The following ADGRV1 variants were observed in gnomAD, a reference collection of about 807,000 sequenced individuals.
ADGRV1 encodes the protein G-protein coupled receptor 98.
In ADGRV1, 359 loss-of-function variants were observed where a neutral mutation model predicts 596.2. The ratio of observed to expected loss-of-function variants is 0.60; its 90% CI spans 0.55 to 0.66. ADGRV1 has a LOEUF of 0.66. Among genes scored for constraint, ADGRV1 ranks in the 30% least tolerant of loss-of-function variants. The probability of loss-of-function intolerance (pLI) is 0.00; values close to 1 mark genes in which losing one functional copy is unlikely to be tolerated. For synonymous variants in ADGRV1, 2,681 were observed against 2,679.2 expected (o/e 1.00, Z -0.02); for missense variants, 7,274 against 7,575.6 (o/e 0.96, Z 1.48).
At chr5:90,903,617 T>G (rs1404040630) in intron 83 of ADGRV1, among the ~76,000 whole-genome samples, 2 of 151,884 alleles carry the variant, frequency 1.3e-5, no homozygotes, top group Non-Finnish European at 2.9e-5. Context: ...CTTTTAAAAT[T>G]TTTTTTATTT....
At chr5:90,837,377 C>CTT (rs71622477) in intron 77 of ADGRV1, among the ~76,000 whole-genome samples, 13 of 135,708 alleles carry the variant, frequency 9.6e-5, no homozygotes, top group East Asian at 2.1e-4. Context: ...TTTTTTTTTT[C>CTT]TTTTTTTTTT....
Position 91,028,771 on chromosome 5 carries a change from T to G in ADGRV1, c.18152+43249T>G, listed in dbSNP as rs927240537. ...TTTTTTTTTTAGGAGTCTTGCTTTG[T>G]TCTGTCGCCAAGGCTGGAGTGCAGT... is the stretch of plus-strand genomic sequence containing the variant. On this transcript the variant is annotated intron_variant, in intron 85 of 89. Transcript: ENST00000405460. Among the ~76,000 whole-genome samples the G allele has an allele frequency of 8.0e-5, 12 of 149,504 alleles. 1 individual carries two copies. The highest frequency in any genetic ancestry group is 4.3e-4 in the South Asian group (2 of 4,624).
intron 3 of ADGRV1, among the ~76,000 whole-genome samples, chr5:90,618,321 C>G (rs895347547): frequency 6.6e-6 from 1 of 152,078 alleles, no homozygotes; most frequent in African/African-American, 2.4e-5. Flanking sequence ...AAAAAGCGGG[C>G]ATGGAAGTGG....
In ADGRV1 at chr5:90,982,097, A is replaced by T. The variant is rs544338152; in HGVS notation, c.17974-3247A>T. ...AGCAAGACCTTGTCTCTAAAAAAAA[A>T]TTTTGTAAAAATAATCATCTCACTT... On this transcript the variant is annotated intron_variant, in intron 84 of 89. Transcript: ENST00000405460. Among the ~76,000 whole-genome samples, 12 of 152,278 alleles carry T rather than the reference A, an allele frequency of 7.9e-5. No homozygotes were observed. The East Asian group carries it at 1.9e-3, about 24-fold the overall frequency.
intron 87 of ADGRV1, among the ~76,000 whole-genome samples, chr5:91,104,920 C>T (rs910601180): frequency 2.8e-5 from 4 of 140,478 alleles, no homozygotes; most frequent in South Asian, 2.2e-4. Flanking sequence ...AATGCAGTGG[C>T]GCGAACTCAG....
At position 90,582,892 on chromosome 5, in the gene ADGRV1, G is replaced by A. The variant is rs79078219; in HGVS notation, c.22+23975G>A. ...GCTTAGTTTAAAATGAATTCACTTC[G>A]TATCTTAAATTTTCTAATATAAATA... On this transcript the variant is annotated intron_variant, in intron 1 of 89. Coordinates refer to ENST00000405460, the MANE Select transcript of ADGRV1 (RefSeq NM_032119.4). Among the ~76,000 whole-genome samples, 34 of 152,190 alleles carry A rather than the reference G, an allele frequency of 2.2e-4. No homozygotes were observed. The East Asian group carries it at 2.7e-3, about 12-fold the overall frequency.
chr5:90,647,796 T>C, intron 17 of ADGRV1, 32 bp downstream of exon 17: 2 of 1,583,182 alleles, frequency 1.3e-6, no homozygotes, highest in African/African-American at 1.3e-5. Context: ...ATGGCAGATC[T>C]GCCTCAGTGC....
intron 50 of ADGRV1, among the ~76,000 whole-genome samples, chr5:90,741,477 T>A (rs2149890836): frequency 6.6e-6 from 1 of 152,330 alleles, no homozygotes; most frequent in South Asian, 2.1e-4. Context: ...TTTATTATAT[T>A]TGCTTTTCTT....
At chr5:91,130,626 C>T in intron 87 of ADGRV1, among the ~76,000 whole-genome samples, 1 of 151,452 alleles carries the variant, frequency 6.6e-6, no homozygotes, top group African/African-American at 2.4e-5. Flanking sequence ...ATGACAGACT[C>T]TTTTCATTTT....
chr5:90,908,243 T>A (rs893365540), intron 83 of ADGRV1, among the ~76,000 whole-genome samples: 1 of 152,172 alleles, frequency 6.6e-6, no homozygotes, highest in African/African-American at 2.4e-5. Context: ...TTTTAATTTT[T>A]GTGGGTGCAT....
rs560309347 is a variant in ADGRV1, at chr5:90,639,129, G to A, written c.2240+1181G>A. Among the ~76,000 whole-genome samples, 116 of 151,134 alleles carry A rather than the reference G, an allele frequency of 7.7e-4. 1 individual carries two copies. The highest frequency in any genetic ancestry group is 1.7e-3 in the Admixed American group (25 of 15,126). On this transcript the variant is annotated intron_variant, in intron 11 of 89. Transcript: ENST00000405460. ...GCACACACACACACAGAGTCTAGAT[G>A]ACTTATGGTTTTAATATATGTTTCA... is the stretch of plus-strand genomic sequence containing the variant.
At chr5:90,921,509 A>T (rs1004249884) in intron 83 of ADGRV1, among the ~76,000 whole-genome samples, 6 of 152,212 alleles carry the variant, frequency 3.9e-5, no homozygotes, top group Non-Finnish European at 7.3e-5. Flanking sequence ...CCCACAAGTA[A>T]CATAAACTTC....
At chr5:91,010,255 G>A (rs1298969832) in intron 85 of ADGRV1, among the ~76,000 whole-genome samples, 1 of 152,102 alleles carries the variant, frequency 6.6e-6, no homozygotes, top group Admixed American at 6.6e-5. Flanking sequence ...CTGAGAAGCA[G>A]TAGTTTCATA....
At chr5:90,824,646 A>G (rs1259548021) in intron 76 of ADGRV1, among the ~76,000 whole-genome samples, 1 of 152,240 alleles carries the variant, frequency 6.6e-6, no homozygotes, top group African/African-American at 2.4e-5. Context: ...ATTTGATCAT[A>G]TAGTATGTCC....
chr5:90,980,202 G>A (rs912554458), intron 84 of ADGRV1, among the ~76,000 whole-genome samples: 13 of 152,128 alleles, frequency 8.5e-5, no homozygotes, highest in Non-Finnish European at 1.5e-5. Flanking sequence ...GAAGATGGTA[G>A]CTCTAATATA....
rs1339311077 is a variant in ADGRV1 at position 91,102,340 on chromosome 5, G to A, written c.18432G>A (p.Gln6144=). 6.3e-7 allele frequency: 1 copy of A among 1,582,942 alleles called. No individual in the cohort carries two copies. ...LVLFVIFNSL[Q]GLYVFMVYFI... ...TCTTTGTCATTTTCAACAGTCTGCAGGTAAGCCTTACAATTTGGTTAGTGA... is the reference window on the plus strand; with the variant it reads ...TCTTTGTCATTTTCAACAGTCTGCAAGTAAGCCTTACAATTTGGTTAGTGA... Residue 6144 remains glutamine (Q), a splice_region_variant and synonymous_variant, in exon 87 of 90, where the codon CAG becomes CAA. Transcript: ENST00000405460.
intron 83 of ADGRV1, among the ~76,000 whole-genome samples, chr5:90,908,779 C>T (rs1419865641): frequency 2.0e-5 from 3 of 152,128 alleles, no homozygotes; most frequent in African/African-American, 7.2e-5. Context: ...CAAAGTGTAA[C>T]ATGAATCCAT....
chr5:90,636,900 T>G (rs1426258628), intron 10 of ADGRV1, among the ~76,000 whole-genome samples: 1 of 152,206 alleles, frequency 6.6e-6, no homozygotes. Flanking sequence ...AAATATTCCT[T>G]TATATTCCTC....
intron 20 of ADGRV1, chr5:90,655,966 T>C (rs1219240186): frequency 1.3e-5 from 2 of 152,192 alleles, no homozygotes; most frequent in Non-Finnish European, 2.9e-5. Flanking sequence ...TTTTCTTCTT[T>C]ATTGTCAAAA....
Sources: gnomAD v4.1 joint callset for allele counts (sites outside exome capture counted in the v4.1 genomes callset) on GRCh38, gnomAD v4.1.1 for gene constraint, MANE v1.5 for transcripts, NCBI Gene and HGNC (gene_info 2026-07-23, HGNC 2026-07-21) for gene names.